The following CNIH3 variants were observed in gnomAD, a reference collection of about 807,000 sequenced individuals.
CNIH3 encodes cornichon family AMPA receptor auxiliary protein 3.
A neutral mutation model predicts 24.1 loss-of-function variants in CNIH3; 14 were observed. The ratio of observed to expected loss-of-function variants is 0.58; its 90% CI spans 0.38 to 0.91. CNIH3 has a LOEUF of 0.91. Among genes scored for constraint, CNIH3 ranks in the 40% least tolerant of loss-of-function variants. The probability of loss-of-function intolerance (pLI) is 0.00; values close to 1 mark genes in which losing one functional copy is unlikely to be tolerated. For synonymous variants in CNIH3, 68 were observed against 73.8 expected (o/e 0.92, Z 0.40); for missense variants, 178 against 196.8 (o/e 0.90, Z 0.57).
At chr1:224,654,251 C>T (rs298731) in intron 1 of CNIH3, among the ~76,000 whole-genome samples, 9,869 of 151,946 alleles carry the variant, frequency 0.065, 892 homozygotes, top group African/African-American at 0.2. Context: ...GTTGTGGTGG[C>T]GCACACCTGT....
chr1:224,538,226 G>A (rs1431329335), downstream of CNIH3, among the ~76,000 whole-genome samples: 5 of 152,126 alleles, frequency 3.3e-5, no homozygotes, highest in Non-Finnish European at 5.9e-5. Flanking sequence ...TAGGATTACA[G>A]GAGTGAGCCA....
At chr1:224,569,270 T>C (rs6689431) in intron 4 of CNIH3, among the ~76,000 whole-genome samples, 3,892 of 152,338 alleles carry the variant, frequency 0.026, 153 homozygotes, top group African/African-American at 0.085. Context: ...AATGGAATCA[T>C]ACTGTATGAA....
At chr1:224,574,523 G>A (rs1680952392) in intron 4 of CNIH3, 1 of 703,722 alleles carries the variant, frequency 1.4e-6, no homozygotes, top group Admixed American at 2.0e-5. Context: ...AGGTAACTGA[G>A]GCTGTGAAGG....
intron 2 of CNIH3, among the ~76,000 whole-genome samples, chr1:224,530,298 A>G (rs960490674): frequency 2.0e-5 from 3 of 152,222 alleles, no homozygotes; most frequent in Non-Finnish European, 2.9e-5. Flanking sequence ...ATTATTTCTC[A>G]ATTATTTATT....
At chr1:224,718,092 A>T (rs1485055075) in intron 3 of CNIH3, among the ~76,000 whole-genome samples, 1 of 152,206 alleles carries the variant, frequency 6.6e-6, no homozygotes, top group South Asian at 2.1e-4. Context: ...GCCCTATGGA[A>T]CATTCAAGTG....
At chr1:224,710,014 A>G (rs1389166534) in intron 3 of CNIH3, among the ~76,000 whole-genome samples, 1 of 152,214 alleles carries the variant, frequency 6.6e-6, no homozygotes, top group Non-Finnish European at 1.5e-5. Context: ...AACTAATAAA[A>G]TAGAAAAATT....
At chr1:224,654,874 C>T (rs538181997) in intron 1 of CNIH3, among the ~76,000 whole-genome samples, 2 of 152,280 alleles carry the variant, frequency 1.3e-5, no homozygotes, top group East Asian at 3.9e-4. Context: ...CTTTGATCGG[C>T]CGTCCCTTTA....
At chr1:224,547,831 T>C (rs1679761869) in intron 3 of CNIH3, among the ~76,000 whole-genome samples, 1 of 151,878 alleles carries the variant, frequency 6.6e-6, no homozygotes, top group South Asian at 2.1e-4. Context: ...TTATTTGTAA[T>C]ATCTAAAGAA....
At chr1:224,737,464 G>C (rs1340249260) in intron 5 of CNIH3, among the ~76,000 whole-genome samples, 2 of 152,172 alleles carry the variant, frequency 1.3e-5, no homozygotes, top group African/African-American at 4.8e-5. Context: ...ATTCTTTGTT[G>C]AATCTGGCCC....
At chr1:224,484,212 C>T (rs1222505649) in intron 1 of CNIH3, among the ~76,000 whole-genome samples, 7 of 149,768 alleles carry the variant, frequency 4.7e-5, no homozygotes, top group South Asian at 2.1e-4. Context: ...GGGCAGATCA[C>T]GAGGTCAGGA....
At chr1:224,672,489 A>C (rs964001584) in intron 1 of CNIH3, among the ~76,000 whole-genome samples, 2 of 152,212 alleles carry the variant, frequency 1.3e-5, no homozygotes, top group African/African-American at 2.4e-5. Context: ...GTCTGAAGAC[A>C]GATGGGCCAT....
chr1:224,519,853 A>C (rs1678553693), intron 1 of CNIH3, among the ~76,000 whole-genome samples: 1 of 151,990 alleles, frequency 6.6e-6, no homozygotes, highest in Non-Finnish European at 1.5e-5. Flanking sequence ...AAATGAATTA[A>C]AATTAAATAT....
chr1:224,597,384 G>A (rs892307572), intron 3 of CNIH3, among the ~76,000 whole-genome samples: 2 of 152,176 alleles, frequency 1.3e-5, no homozygotes, highest in African/African-American at 4.8e-5. Flanking sequence ...AAACCCTGGA[G>A]GAAGGAATGT....
At chr1:224,536,161 C>T (rs1328443649) in intron 2 of CNIH3, among the ~76,000 whole-genome samples, 1 of 152,098 alleles carries the variant, frequency 6.6e-6, no homozygotes, top group African/African-American at 2.4e-5. Flanking sequence ...GCCTACCCCT[C>T]CCCACCTTTG....
At position 224,734,573 on chromosome 1, in the gene CNIH3, T is replaced by C; in HGVS notation, c.322T>C (p.Cys108Arg). Residue 108 changes from cysteine (C) to arginine (R), a missense_variant, in exon 5 of 6, where the codon TGT (cysteine) becomes CGT (arginine). Physicochemically the swap from Cys to Arg is radical, Grantham distance 180. Transcript: ENST00000272133. Reference sequence around the variant, plus strand: ...CCTCTCTCCCTGCAGGTATTTCCACTGTCCAGCAGATAGCTCAGAACTAGC... The same window carrying C: ...CCTCTCTCCCTGCAGGTATTTCCACCGTCCAGCAGATAGCTCAGAACTAGC... ...LFYHFWRYFH[C>R]PADSSELAYD... 1.2e-6 allele frequency: 2 copies of C among 1,614,114 alleles called. No homozygotes were observed. Among genetic ancestry groups the C allele is most frequent in the Non-Finnish European group, 1.7e-6 (2 of 1,179,972 alleles).
chr1:224,703,879 C>T lies in CNIH3; in HGVS notation c.198+19036C>T, dbSNP rs1687635913. 6.6e-6 allele frequency among the ~76,000 whole-genome samples: 1 copy of T among 152,228 alleles called. No homozygotes were observed. Among genetic ancestry groups the T allele is most frequent in the Non-Finnish European group, 1.5e-5 (1 of 68,048 alleles). The stretch of plus-strand genomic sequence containing the variant: ...AGAACAAGATGAGCACCTGCATATT[C>T]TCCCTGCAGCACACCTGAGTCGCTG... On this transcript the variant is annotated intron_variant, in intron 3 of 5. Transcript: ENST00000272133. The surrounding 1 kb of genome is among the most constrained non-coding windows in gnomAD (Gnocchi z 4.2).
At chr1:224,459,264 C>G (rs1256512853) in intron 1 of CNIH3, 1 of 971,500 alleles carries the variant, frequency 1.0e-6, no homozygotes, top group Non-Finnish European at 1.2e-6. Flanking sequence ...AACAGAAGGC[C>G]GAAACCCTGA....
chr1:224,679,568 G>A (rs931191285), intron 1 of CNIH3, among the ~76,000 whole-genome samples: 3 of 152,168 alleles, frequency 2.0e-5, no homozygotes, highest in African/African-American at 7.2e-5. Flanking sequence ...TAAGTGGTGA[G>A]TTTCTTGTTA....
intron 1 of CNIH3, among the ~76,000 whole-genome samples, chr1:224,506,871 T>G (rs555904900): frequency 6.6e-6 from 1 of 152,124 alleles, no homozygotes; most frequent in Admixed American, 6.5e-5. Context: ...GAAGCACCAA[T>G]TCTTTTTTTT....
Sources: allele counts gnomAD v4.1 joint callset (sites outside exome capture counted in the v4.1 genomes callset), GRCh38; gene constraint gnomAD v4.1.1; non-coding constraint Gnocchi (gnomAD v3.1); transcripts MANE v1.5; gene names NCBI Gene and HGNC (gene_info 2026-07-23, HGNC 2026-07-21).